Variants in COL12A1 observed in about 807,000 individuals in gnomAD.
COL12A1 encodes the protein collagen alpha-1(XII) chain.
A neutral mutation model predicts 349.7 loss-of-function variants in COL12A1; 114 were observed. The observed-to-expected ratio is 0.33, with a 90% CI of 0.28 to 0.38. COL12A1 has a LOEUF of 0.38. COL12A1 is among the 10% of genes least tolerant of loss of function. COL12A1 has a pLI of 1.00. For missense variants in COL12A1, 3,284 were observed against 3,756.9 expected (o/e 0.87, Z 3.29); for synonymous variants, 1,369 against 1,329.0 (o/e 1.03, Z -0.66).
rs568904138 is a variant in COL12A1 at position 75,191,010 on chromosome 6, G to A, written c.394+691C>T. On this transcript the variant is annotated intron_variant, in intron 5 of 65. Coordinates refer to ENST00000322507, the MANE Select transcript of COL12A1 (RefSeq NM_004370.6). The stretch of plus-strand genomic sequence containing the variant: ...TCTGGGTCATAAATCCAAGTTTTAC[G>A]AGATGACAAAATTAGAAGTCCAAGA... Among the ~76,000 whole-genome samples the A allele has an allele frequency of 2.1e-3, 326 of 151,842 alleles. 2 individuals are homozygous for A. The highest frequency in any genetic ancestry group is 0.014 in the Admixed American group (214 of 15,198).
intron 25 of COL12A1, 73 bp downstream of exon 25, chr6:75,145,253 C>A: frequency 7.7e-7 from 1 of 1,298,440 alleles, no homozygotes; most frequent in Non-Finnish European, 1.0e-6. Context: ...TTGTTAGCAT[C>A]ACATGAAATA....
intron 31 of COL12A1, among the ~76,000 whole-genome samples, chr6:75,136,897 A>G (rs1254416574): frequency 2.0e-5 from 3 of 152,184 alleles, no homozygotes; most frequent in Admixed American, 6.5e-5. Context: ...GAGTCCTACC[A>G]TCTTTCTTGG....
chr6:75,169,238 C>G (rs1768493913), intron 13 of COL12A1, among the ~76,000 whole-genome samples: 1 of 152,176 alleles, frequency 6.6e-6, no homozygotes, highest in Non-Finnish European at 1.5e-5. Context: ...TCAGTAACTA[C>G]AGGAAGAAAT....
rs565301271 is a variant in COL12A1, at chr6:75,205,881, T to C, written c.-140A>G. The C allele has an allele frequency of 1.6e-4, 24 of 152,846 alleles. No individual in the cohort carries two copies. The highest frequency in any genetic ancestry group is 2.9e-4 in the Non-Finnish European group (20 of 68,492). 9.5% of individuals were successfully genotyped at this position (152,846 alleles called of 1,614,324 possible). On this transcript the variant is annotated 5_prime_UTR_variant, in exon 1 of 66. Coordinates refer to ENST00000322507, the MANE Select transcript of COL12A1 (RefSeq NM_004370.6). ...CCCCACACGCCCCGGCGATAGGCGCTGCACTCCAGGAGCACCTGGCGGCCG... is the reference window on the plus strand; with the variant it reads ...CCCCACACGCCCCGGCGATAGGCGCCGCACTCCAGGAGCACCTGGCGGCCG...
chr6:75,131,986 T>C lies in COL12A1; in HGVS notation c.5891A>G (p.Tyr1964Cys), dbSNP rs920578725. ...ATCCACAGGAGAATACACAACGCGATATTGCAGCACAGGTCCTGGAGCAGG... is the reference window on the plus strand; with the variant it reads ...ATCCACAGGAGAATACACAACGCGACATTGCAGCACAGGTCCTGGAGCAGG... ...WDPAPGPVLQ[Y>C]RVVYSPVDGT... Residue 1964 changes from tyrosine to cysteine, a missense_variant, in exon 35 of 66, where the codon TAT becomes TGT. Transcript: ENST00000322507. 2 of 1,614,118 alleles carry C rather than the reference T, an allele frequency of 1.2e-6. No individual in the cohort carries two copies. Among genetic ancestry groups the C allele is most frequent in the Non-Finnish European group, 1.7e-6 (2 of 1,179,990 alleles).
chr6:75,127,959 C>T (rs1402882692), intron 38 of COL12A1, among the ~76,000 whole-genome samples: 2 of 152,250 alleles, frequency 1.3e-5, no homozygotes, highest in African/African-American at 4.8e-5. Flanking sequence ...ATTGACTTAA[C>T]AATTTAGTCT....
Position 75,184,128 on chromosome 6 carries a change from T to G in COL12A1, c.1014A>C (p.Ser338=), listed in dbSNP as rs1769483864. Residue 338 remains serine (S), a synonymous_variant, in exon 9 of 66, where the codon TCA becomes TCC. Coordinates refer to ENST00000322507, the MANE Select transcript of COL12A1 (RefSeq NM_004370.6). ...AAGAGACTTCCATGGCAATCAAATT[T>G]GAAGGAGGCTCAACAACTAAAAAGT... ...VSGEEVVEPP[S]NLIAMEVSSK... 6.2e-7 allele frequency: 1 copy of G among 1,613,552 alleles called. No homozygotes were observed. Among genetic ancestry groups the G allele is most frequent in the Admixed American group, 1.7e-5 (1 of 59,958 alleles).
intron 21 of COL12A1, 79 bp from the exon 22 acceptor site, chr6:75,148,576 T>C: frequency 8.0e-7 from 1 of 1,247,644 alleles, no homozygotes. Flanking sequence ...ATTGAAACAA[T>C]ATTATGCTCC....
chr6:75,105,180 C>T (rs759222764), intron 54 of COL12A1, 26 bp downstream of exon 54: 14 of 1,583,336 alleles, frequency 8.8e-6, no homozygotes, highest in African/African-American at 8.1e-5. Context: ...AAGGAAAAAC[C>T]AGAGGATCTA....
intron 47 of COL12A1, 77 bp downstream of exon 47, chr6:75,117,305 A>G (rs1038132316): frequency 2.2e-4 from 320 of 1,446,878 alleles, no homozygotes; most frequent in Non-Finnish European, 2.8e-4. Flanking sequence ...TGATCCCACA[A>G]AGGATATAGA....
chr6:75,113,514 T>G (rs912027160), intron 50 of COL12A1, 88 bp downstream of exon 50: 1 of 1,212,296 alleles, frequency 8.2e-7, no homozygotes, highest in African/African-American at 1.6e-5. Flanking sequence ...AATATATATA[T>G]AGTCTATATT....
intron 15 of COL12A1, 63 bp from the exon 16 acceptor site, chr6:75,155,917 TA>T: frequency 6.7e-7 from 1 of 1,486,300 alleles, no homozygotes; most frequent in Non-Finnish European, 9.0e-7. Flanking sequence ...GTTTCTTTTT[TA>T]TTAGCCCCAC....
At chr6:75,192,410 C>G in intron 3 of COL12A1, 55 bp from the exon 4 acceptor site, 1 of 1,472,942 alleles carries the variant, frequency 6.8e-7, no homozygotes. Context: ...TCACATATAA[C>G]ACAATACATT....
In COL12A1 at chr6:75,102,164, G is replaced by A. The variant is rs556674; in HGVS notation, c.8416-112C>T. On this transcript the variant is annotated intron_variant, in intron 56 of 65. Transcript: ENST00000322507. ...ATCACTTCATAAATCCAGTGTAAGCGTTCAGAATGAGCACAGAAGGGTATT... is the reference window on the plus strand; with the variant it reads ...ATCACTTCATAAATCCAGTGTAAGCATTCAGAATGAGCACAGAAGGGTATT... 856,033 of 1,013,964 alleles carry A rather than the reference G, an allele frequency of 0.84. 364,951 individuals carry two copies. Among genetic ancestry groups the A allele is most frequent in the Non-Finnish European group, 0.88 (583,475 of 664,840 alleles). The allele number at this position is 1,013,964 out of a possible 1,614,324, so 62.8% of individuals were successfully genotyped here.
chr6:75,134,044 C>A, intron 32 of COL12A1, 47 bp from the exon 33 acceptor site: 1 of 1,580,086 alleles, frequency 6.3e-7, no homozygotes, highest in Non-Finnish European at 8.6e-7. Flanking sequence ...AACAATCAAG[C>A]ACACATGAAA....
intron 25 of COL12A1, 113 bp from the exon 26 acceptor site, chr6:75,143,501 A>C (rs1767016882): frequency 9.0e-7 from 1 of 1,113,816 alleles, no homozygotes; most frequent in Middle Eastern, 2.0e-4. Flanking sequence ...TGTTTGGCAA[A>C]ATAACTGAAA....
Position 75,192,368 on chromosome 6 carries a change from A to G in COL12A1, c.191-13T>C. On this transcript the variant is annotated splice_polypyrimidine_tract_variant and intron_variant, in intron 3 of 65. Transcript: ENST00000322507. ...TTAGTAGGCCCATCTGGAAATATAAAAAGGAAAAATATGAATGCAACAAAA... is the reference window on the plus strand; with the variant it reads ...TTAGTAGGCCCATCTGGAAATATAAGAAGGAAAAATATGAATGCAACAAAA... The G allele has an allele frequency of 1.2e-6, 2 of 1,608,204 alleles. No homozygotes were observed. The highest frequency in any genetic ancestry group is 1.7e-5 in the Admixed American group (1 of 59,594).
At chr6:75,126,527 CA>C in intron 38 of COL12A1, 57 bp from the exon 39 acceptor site, 6 of 1,538,696 alleles carry the variant, frequency 3.9e-6, no homozygotes, top group Non-Finnish European at 5.3e-6. Flanking sequence ...AGGGAGAGCA[CA>C]AAACTTTAAA....
In COL12A1 at chr6:75,090,345, G is replaced by C; in HGVS notation, c.8753-47C>G. The C allele has an allele frequency of 1.3e-6, 2 of 1,538,092 alleles. No homozygotes were observed. Among genetic ancestry groups the C allele is most frequent in the Non-Finnish European group, 1.8e-6 (2 of 1,131,128 alleles). On this transcript the variant is annotated intron_variant, in intron 62 of 65. Transcript: ENST00000322507. The surrounding 1 kb of genome is among the most constrained non-coding windows in gnomAD (Gnocchi z 4.1). Reference sequence around the variant, plus strand: ...GTTAGTAAGAAACCCAATAAAGGACGGATGAGAGAGTGAAACTGTTTTCTC... The same window carrying C: ...GTTAGTAAGAAACCCAATAAAGGACCGATGAGAGAGTGAAACTGTTTTCTC...
Sources: gnomAD v4.1 joint callset for allele counts (sites outside exome capture counted in the v4.1 genomes callset) on GRCh38, gnomAD v4.1.1 for gene constraint, Gnocchi (gnomAD v3.1) non-coding constraint, MANE v1.5 for transcripts, NCBI Gene and HGNC (gene_info 2026-07-23, HGNC 2026-07-21) for gene names.